The following TUB variants were observed in gnomAD, a reference collection of about 807,000 sequenced individuals.
TUB encodes tubby protein homolog.
In TUB, 33 loss-of-function variants were observed where a neutral mutation model predicts 59.7. The ratio of observed to expected loss-of-function variants is 0.55; its 90% confidence interval spans 0.42 to 0.74. TUB has a LOEUF of 0.74. Among genes scored for constraint, TUB ranks in the 30% least tolerant of loss-of-function variants. The probability of loss-of-function intolerance (pLI) is 0.00; values close to 1 mark genes in which losing one functional copy is unlikely to be tolerated. For synonymous variants in TUB, 293 were observed against 256.4 expected (o/e 1.14, Z -1.36); for missense variants, 659 against 672.0 (o/e 0.98, Z 0.21).
At chr11:8,022,901 A>G (rs75275473) in intron 1 of TUB, among the ~76,000 whole-genome samples, 1 of 152,070 alleles carries the variant, frequency 6.6e-6, no homozygotes, top group African/African-American at 2.4e-5. Context: ...TCTCAAAAAC[A>G]AAACAAAACA....
At chr11:8,033,321 A>G (rs1487446913) in intron 1 of TUB, among the ~76,000 whole-genome samples, 1 of 152,182 alleles carries the variant, frequency 6.6e-6, no homozygotes, top group East Asian at 1.9e-4. Context: ...CCGAAGACAG[A>G]GCTGCATTCC....
At chr11:8,100,295 A>G (rs1430818307) in intron 9 of TUB, among the ~76,000 whole-genome samples, 1 of 152,206 alleles carries the variant, frequency 6.6e-6, no homozygotes, top group Non-Finnish European at 1.5e-5. Flanking sequence ...CGTGAGCAGA[A>G]GCAAGGATGA....
chr11:8,028,449 T>G (rs74664249), intron 1 of TUB, among the ~76,000 whole-genome samples: 2 of 152,324 alleles, frequency 1.3e-5, no homozygotes, highest in African/African-American at 4.8e-5. Flanking sequence ...GAAGTCCAAT[T>G]TGTCTTTTTT....
intron 2 of TUB, among the ~76,000 whole-genome samples, chr11:8,057,943 G>A (rs1280194486): frequency 6.6e-6 from 1 of 152,070 alleles, no homozygotes; most frequent in African/African-American, 2.4e-5. Context: ...TGTTAGTGAT[G>A]CCTGGCCTGC....
At position 8,104,487 on chromosome 11, in the gene TUB, G is replaced by C. The variant is rs751337038; in HGVS notation, c.*2868G>C. On this transcript the variant is annotated 3_prime_UTR_variant, in exon 12 of 12. Transcript: ENST00000299506. The stretch of plus-strand genomic sequence containing the variant: ...GGAAAAGGGCAATCAGCAATCAACT[G>C]AGGTTTCTTAATTGTGATTATATTC... 1.1e-4 allele frequency: 17 copies of C among 152,214 alleles called. 1 individual carries two copies. Among genetic ancestry groups the C allele is most frequent in the Admixed American group, 6.5e-5 (1 of 15,274 alleles). 9.4% of individuals were successfully genotyped at this position (152,214 alleles called of 1,614,324 possible).
chr11:8,091,606 C>T (rs528905308), intron 3 of TUB, among the ~76,000 whole-genome samples: 64 of 152,332 alleles, frequency 4.2e-4, no homozygotes, highest in Admixed American at 1.0e-3. Flanking sequence ...TGTTGCCTCC[C>T]TGATGAAAAG....
At chr11:8,089,939 C>G in intron 2 of TUB, 130 bp from the exon 3 acceptor site, 1 of 1,359,046 alleles carries the variant, frequency 7.4e-7, no homozygotes, top group Non-Finnish European at 9.8e-7. Flanking sequence ...CCTCCCTTTC[C>G]TGGACCCCAA....
upstream of TUB, among the ~76,000 whole-genome samples, chr11:8,037,593 T>C (rs1942666026): frequency 6.6e-6 from 1 of 152,302 alleles, no homozygotes; most frequent in East Asian, 1.9e-4. Flanking sequence ...CAAGTTCTCA[T>C]TGAAAATCTG....
At chr11:8,081,142 G>T (rs1320251398), upstream of TUB, among the ~76,000 whole-genome samples, 2 of 150,922 alleles carry the variant, frequency 1.3e-5, no homozygotes, top group South Asian at 2.1e-4. Flanking sequence ...CCGGCCGGGG[G>T]GTGGGGTCTC....
intron 1 of TUB, among the ~76,000 whole-genome samples, chr11:8,029,939 A>G (rs1252776701): frequency 2.0e-5 from 3 of 152,144 alleles, no homozygotes; most frequent in South Asian, 2.1e-4. Context: ...TGATGGATTT[A>G]TAGCAGTACA....
chr11:8,020,060 C>G (rs1041006026), intron 1 of TUB, among the ~76,000 whole-genome samples: 1 of 152,220 alleles, frequency 6.6e-6, no homozygotes, highest in Non-Finnish European at 1.5e-5. Flanking sequence ...AAAATAAGAA[C>G]GGAGTGAGTT....
intron 1 of TUB, among the ~76,000 whole-genome samples, chr11:8,084,557 T>C (rs1199259143): frequency 6.6e-6 from 1 of 152,174 alleles, no homozygotes; most frequent in East Asian, 1.9e-4. Context: ...GGGATTGGGG[T>C]GGCCCCGTCC....
intron 1 of TUB, among the ~76,000 whole-genome samples, chr11:8,033,306 G>C (rs955561768): frequency 1.3e-5 from 2 of 152,172 alleles, no homozygotes; most frequent in African/African-American, 2.4e-5. Context: ...GGGAAACTCC[G>C]GCGCCCGAAG....
At chr11:8,090,321 C>A in intron 3 of TUB, 90 bp downstream of exon 3, 1 of 1,502,856 alleles carries the variant, frequency 6.7e-7, no homozygotes, top group Non-Finnish European at 9.0e-7. Context: ...CTGGTCCTGA[C>A]GGGGGATGCC....
chr11:8,051,372 T>G (rs1426485164), intron 2 of TUB, among the ~76,000 whole-genome samples: 1 of 152,240 alleles, frequency 6.6e-6, no homozygotes, highest in Non-Finnish European at 1.5e-5. Context: ...ATAGCTCTTT[T>G]ATGGATTTGT....
rs1943557171 is a variant in TUB at position 8,081,329 on chromosome 11, G to GGCAGCCGCTCGCAGAGCCA, written c.-174_-156dup. The GGCAGCCGCTCGCAGAGCCA allele has an allele frequency of 3.1e-6, 3 of 978,416 alleles. No homozygotes were observed. Among genetic ancestry groups the GGCAGCCGCTCGCAGAGCCA allele is most frequent in the Non-Finnish European group, 3.6e-6 (3 of 824,104 alleles). 60.6% of individuals were successfully genotyped at this position (978,416 alleles called of 1,614,324 possible). On this transcript the variant is annotated 5_prime_UTR_variant, in exon 1 of 12. Coordinates refer to ENST00000299506, the MANE Select transcript of TUB (RefSeq NM_177972.3). Reference sequence around the variant, plus strand: ...CCATCTCGCCTCGCCGCGCCGCGCAGGCAGCCGCTCGCAGAGCCAGCAGCC... The same window carrying GGCAGCCGCTCGCAGAGCCA: ...CCATCTCGCCTCGCCGCGCCGCGCAGGCAGCCGCTCGCAGAGCCAGCAGCCGCTCGCAGAGCCAGCAGCC...
upstream of TUB, among the ~76,000 whole-genome samples, chr11:8,033,980 G>A (rs1460449646): frequency 1.3e-5 from 2 of 152,230 alleles, no homozygotes; most frequent in African/African-American, 2.4e-5. Flanking sequence ...GAGAATAGGC[G>A]TTTGTTTCCA....
intron 3 of TUB, among the ~76,000 whole-genome samples, chr11:8,092,825 T>C (rs1943824835): frequency 6.6e-6 from 1 of 152,170 alleles, no homozygotes; most frequent in East Asian, 1.9e-4. Context: ...GTTGCCTCCC[T>C]GTCTGCCCTC....
intron 9 of TUB, among the ~76,000 whole-genome samples, chr11:8,099,845 C>T (rs1486396232): frequency 1.3e-5 from 2 of 152,094 alleles, no homozygotes; most frequent in Non-Finnish European, 2.9e-5. Flanking sequence ...ACAGTGAGGA[C>T]AAAAGTCCTG....
Sources: allele counts gnomAD v4.1 joint callset (sites outside exome capture counted in the v4.1 genomes callset), GRCh38; gene constraint gnomAD v4.1.1; transcripts MANE v1.5; gene names NCBI Gene and HGNC (gene_info 2026-07-23, HGNC 2026-07-21).